Variants in ZNF385D observed in about 807,000 individuals in gnomAD.
ZNF385D encodes zinc finger protein 659.
ZNF385D carries 15 observed loss-of-function variants against 35.8 expected under a neutral mutation model. That is an observed-to-expected ratio of 0.42 (90% CI 0.28 to 0.64). The LOEUF is 0.64. Ranked by LOEUF, ZNF385D falls within the 30% of genes least tolerant of loss-of-function variation. The pLI is 0.23. For missense variants in ZNF385D, 474 were observed against 494.6 expected (o/e 0.96, Z 0.39); for synonymous variants, 212 against 186.8 (o/e 1.13, Z -1.10).
intron 2 of ZNF385D, among the ~76,000 whole-genome samples, chr3:22,198,432 G>A (rs1696565485): frequency 6.6e-6 from 1 of 152,020 alleles, no homozygotes; most frequent in South Asian, 2.1e-4. Context: ...AAAGCTCTAA[G>A]TCTTTTACAC....
At chr3:21,442,909 G>GTGTGTT (rs1701939210) in intron 4 of ZNF385D, among the ~76,000 whole-genome samples, 1 of 151,862 alleles carries the variant, frequency 6.6e-6, no homozygotes, top group African/African-American at 2.4e-5. Context: ...GTGTGTGTGT[G>GTGTGTT]TGTGTGTTGA....
chr3:22,123,089 T>A (rs1011556373), intron 3 of ZNF385D, among the ~76,000 whole-genome samples: 1 of 152,112 alleles, frequency 6.6e-6, no homozygotes, highest in Non-Finnish European at 1.5e-5. Flanking sequence ...TCTGTTCTGA[T>A]AGAAACACTC....
chr3:21,975,870 C>T (rs913300281), intron 3 of ZNF385D, among the ~76,000 whole-genome samples: 1 of 151,402 alleles, frequency 6.6e-6, no homozygotes, highest in African/African-American at 2.4e-5. Context: ...TCCATTGAGT[C>T]ATCTGATTAA....
At chr3:21,613,943 G>A (rs1050643034) in intron 2 of ZNF385D, among the ~76,000 whole-genome samples, 3 of 152,204 alleles carry the variant, frequency 2.0e-5, no homozygotes, top group Admixed American at 6.5e-5. Flanking sequence ...CTCAAACACA[G>A]ATGGTTCAGC....
intron 2 of ZNF385D, among the ~76,000 whole-genome samples, chr3:22,191,011 G>C (rs1031118889): frequency 6.6e-6 from 1 of 151,992 alleles, no homozygotes; most frequent in Non-Finnish European, 1.5e-5. Flanking sequence ...TAAGAAATAC[G>C]TGTGTTTTTA....
rs79323636 is a variant in ZNF385D, at chr3:21,732,431, G to A, written c.22+18464C>T. Among the ~76,000 whole-genome samples, 729 of 152,184 alleles carry A rather than the reference G, an allele frequency of 4.8e-3. 9 individuals are homozygous for A. The highest frequency in any genetic ancestry group is 0.017 in the African/African-American group (694 of 41,532). ...AGAAAGATGATTCCTGGATCATATGGTAAAAAGAAGTTTAGTTTTGTAAGA... is the reference window on the plus strand; with the variant it reads ...AGAAAGATGATTCCTGGATCATATGATAAAAAGAAGTTTAGTTTTGTAAGA... On this transcript the variant is annotated intron_variant, in intron 1 of 7. Coordinates refer to ENST00000281523, the MANE Select transcript of ZNF385D (RefSeq NM_024697.3).
chr3:21,893,507 G>A (rs1472915629), intron 3 of ZNF385D, among the ~76,000 whole-genome samples: 2 of 152,058 alleles, frequency 1.3e-5, no homozygotes, highest in African/African-American at 2.4e-5. Flanking sequence ...TATTTTAAAA[G>A]GCTACTTAAC....
chr3:21,715,258 T>G (rs892294947), intron 1 of ZNF385D, among the ~76,000 whole-genome samples: 1 of 152,146 alleles, frequency 6.6e-6, no homozygotes, highest in Admixed American at 6.5e-5. Flanking sequence ...CCATTACTCG[T>G]TCAAGTTTCC....
intron 3 of ZNF385D, among the ~76,000 whole-genome samples, chr3:22,141,605 T>C (rs754221588): frequency 1.3e-3 from 200 of 152,276 alleles, no homozygotes; most frequent in Non-Finnish European, 7.1e-4. Flanking sequence ...GGTAGTTCAC[T>C]GGCCTGCTGT....
chr3:22,340,897 T>C (rs1419816520), intron 2 of ZNF385D, among the ~76,000 whole-genome samples: 1 of 152,332 alleles, frequency 6.6e-6, no homozygotes, highest in Non-Finnish European at 1.5e-5. Flanking sequence ...AGGGAATTCT[T>C]TGCTGTGCTA....
chr3:22,098,592 T>G (rs1205924317), intron 3 of ZNF385D, among the ~76,000 whole-genome samples: 1 of 152,070 alleles, frequency 6.6e-6, no homozygotes, highest in Non-Finnish European at 1.5e-5. Context: ...CTATTTTTAT[T>G]TGAATAGTCC....
At chr3:21,804,861 A>AT (rs11434367) in intron 3 of ZNF385D, among the ~76,000 whole-genome samples, 92,640 of 151,606 alleles carry the variant, frequency 0.61, 28,538 homozygotes, top group African/African-American at 0.68. Context: ...TATATACTTT[A>AT]CCACTATTAT....
intron 4 of ZNF385D, among the ~76,000 whole-genome samples, chr3:21,444,722 C>T (rs1575157122): frequency 6.6e-6 from 1 of 152,182 alleles, no homozygotes; most frequent in Non-Finnish European, 1.5e-5. Context: ...CAATTAGCTT[C>T]ATAGGGACCG....
chr3:21,888,771 A>G lies in ZNF385D; in HGVS notation c.326-223743T>C, dbSNP rs13319106. 5.9e-3 allele frequency among the ~76,000 whole-genome samples: 898 copies of G among 152,344 alleles called. 12 individuals are homozygous for G. Among genetic ancestry groups the G allele is most frequent in the African/African-American group, 0.02 (844 of 41,578 alleles). ...TATCCAAAATCTCAAATTGATAACA[A>G]GAAAGATAGGTGGCGAGTTTTCCCA... On this transcript the variant is annotated intron_variant, in intron 3 of 5. Transcript: ENST00000494108.
chr3:22,256,390 T>C (rs1161778264), intron 2 of ZNF385D, among the ~76,000 whole-genome samples: 2 of 151,748 alleles, frequency 1.3e-5, no homozygotes, highest in East Asian at 1.9e-4. Context: ...ACACTGCTAA[T>C]AGGAGAGGCT....
At chr3:21,636,247 G>A (rs958689873) in intron 2 of ZNF385D, among the ~76,000 whole-genome samples, 4 of 149,672 alleles carry the variant, frequency 2.7e-5, no homozygotes, top group African/African-American at 9.8e-5. Context: ...TTTTATTATG[G>A]ACATTCCTGC....
intron 4 of ZNF385D, among the ~76,000 whole-genome samples, chr3:21,508,089 G>A (rs538206947): frequency 4.6e-5 from 7 of 151,982 alleles, no homozygotes; most frequent in East Asian, 1.9e-4. Flanking sequence ...AATGTCCATC[G>A]CTTCCTTCTT....
At chr3:21,939,799 T>C (rs910559957) in intron 3 of ZNF385D, among the ~76,000 whole-genome samples, 1 of 152,190 alleles carries the variant, frequency 6.6e-6, no homozygotes, top group Non-Finnish European at 1.5e-5. Flanking sequence ...GGAAAAGGAA[T>C]GGAAAGCTTT....
At chr3:21,726,174 A>G (rs1182783991) in intron 1 of ZNF385D, among the ~76,000 whole-genome samples, 1 of 152,212 alleles carries the variant, frequency 6.6e-6, no homozygotes, top group Non-Finnish European at 1.5e-5. Context: ...GATGGAACAT[A>G]TTTCAAAATA....
Sources: gnomAD v4.1 joint callset for allele counts (sites outside exome capture counted in the v4.1 genomes callset) on GRCh38, gnomAD v4.1.1 for gene constraint, MANE v1.5 for transcripts, NCBI Gene and HGNC (gene_info 2026-07-23, HGNC 2026-07-21) for gene names.